The following RAB11FIP3 variants were observed in gnomAD, a reference collection of about 807,000 sequenced individuals.
RAB11FIP3 encodes the protein RAB11 family interacting protein 3, also known as rab11 family-interacting protein 3.
RAB11FIP3 carries 17 observed loss-of-function variants against 77.8 expected under a neutral mutation model. The ratio of observed to expected loss-of-function variants is 0.22; its 90% confidence interval spans 0.15 to 0.33. The LOEUF is 0.33. Among genes scored for constraint, RAB11FIP3 ranks in the 10% least tolerant of loss-of-function variants. RAB11FIP3 has a pLI of 1.00. For missense variants in RAB11FIP3, 1,005 were observed against 1,011.2 expected, an observed-to-expected ratio of 0.99 and a Z score of 0.08; for synonymous variants, 437 against 448.2, an observed-to-expected ratio of 0.98 and a Z score of 0.31.
At chr16:510,291 G>A (rs954890889) in intron 8 of RAB11FIP3, among the ~76,000 whole-genome samples, 6 of 152,246 alleles carry the variant, frequency 3.9e-5, no homozygotes, top group Admixed American at 3.3e-4. Flanking sequence ...GTTGTGTGTA[G>A]TGGCTGCAGG....
At chr16:501,915 T>A (rs1170941417) in intron 6 of RAB11FIP3, among the ~76,000 whole-genome samples, 4 of 101,880 alleles carry the variant, frequency 3.9e-5, no homozygotes, top group South Asian at 3.2e-4. Context: ...TCTGGGAGAG[T>A]GTCCCCCCAT....
chr16:472,260 T>A lies in RAB11FIP3; in HGVS notation c.903+871T>A, dbSNP rs565247479. Among the ~76,000 whole-genome samples, 1 of 152,326 alleles carries A rather than the reference T, an allele frequency of 6.6e-6. No homozygotes were observed. Among genetic ancestry groups the A allele is most frequent in the African/African-American group, 2.4e-5 (1 of 41,590 alleles). On this transcript the variant is annotated intron_variant, in intron 3 of 13. Transcript: ENST00000262305. This position sits in a 1 kb window ranked among gnomAD's most constrained non-coding sequence, Gnocchi z 4.1. ...AAGCTGCCCCAGGGATTAGTCACCC[T>A]CACCCTTGGGTGGGCAGCTTAACTT...
chr16:435,251 A>G (rs1024879562), intron 1 of RAB11FIP3, among the ~76,000 whole-genome samples: 1 of 151,748 alleles, frequency 6.6e-6, no homozygotes, highest in Non-Finnish European at 1.5e-5. Context: ...CCAGTTTAGG[A>G]TCTAACATAC....
intron 1 of RAB11FIP3, among the ~76,000 whole-genome samples, chr16:433,618 G>A (rs2055077116): frequency 6.6e-6 from 1 of 151,730 alleles, no homozygotes; most frequent in Admixed American, 6.6e-5. Flanking sequence ...GAAGGCCAAG[G>A]CGGGCGGATC....
rs1484762142 is a variant in RAB11FIP3 at position 471,172 on chromosome 16, G to A, written c.809-123G>A. On this transcript the variant is annotated intron_variant, in intron 2 of 13. Coordinates refer to ENST00000262305, the MANE Select transcript of RAB11FIP3 (RefSeq NM_014700.4). This position sits in a 1 kb window ranked among gnomAD's most constrained non-coding sequence, Gnocchi z 4.4. The stretch of plus-strand genomic sequence containing the variant: ...CCTTGCTTGTCTTGACCCCCCCCAG[G>A]GCCCCCAACTCCCACACATCTGTCC... 1.3e-6 allele frequency: 1 copy of A among 753,940 alleles called. No individual in the cohort carries two copies. Among genetic ancestry groups the A allele is most frequent in the Non-Finnish European group, 2.2e-6 (1 of 445,118 alleles). 46.7% of individuals were successfully genotyped at this position (753,940 alleles called of 1,614,324 possible).
chr16:474,629 G>A (rs2055867680), intron 3 of RAB11FIP3, among the ~76,000 whole-genome samples: 1 of 152,114 alleles, frequency 6.6e-6, no homozygotes, highest in Admixed American at 6.6e-5. Flanking sequence ...GCTCTCTCCC[G>A]TCCTCCCTCC....
chr16:450,746 A>T (rs2055393478), intron 1 of RAB11FIP3, among the ~76,000 whole-genome samples: 1 of 152,188 alleles, frequency 6.6e-6, no homozygotes, highest in Non-Finnish European at 1.5e-5. Context: ...CTATGAGCTG[A>T]GGAGTCCCAG....
intron 10 of RAB11FIP3, 147 bp from the exon 11 acceptor site, chr16:519,607 T>C: frequency 9.3e-7 from 1 of 1,076,678 alleles, no homozygotes; most frequent in South Asian, 1.6e-5. Context: ...GCAGGAAGGC[T>C]CAGACCCAGC....
At chr16:487,232 A>G (rs2056173720) in intron 4 of RAB11FIP3, among the ~76,000 whole-genome samples, 2 of 150,026 alleles carry the variant, frequency 1.3e-5, no homozygotes, top group South Asian at 4.2e-4. Flanking sequence ...CCAGGTTCAC[A>G]CCATTCTCCT....
chr16:452,346 CAAAA>C (rs1222038476), intron 1 of RAB11FIP3: 8 of 151,118 alleles, frequency 5.3e-5, no homozygotes, highest in African/African-American at 1.7e-4. Context: ...AAAAAGGAAA[CAAAA>C]AAAAGCCACA....
At chr16:462,261 A>T (rs562383930) in intron 2 of RAB11FIP3, among the ~76,000 whole-genome samples, 1 of 152,016 alleles carries the variant, frequency 6.6e-6, no homozygotes, top group Non-Finnish European at 1.5e-5. Context: ...CACTCTTGTC[A>T]CCCAGGCTGG....
intron 9 of RAB11FIP3, among the ~76,000 whole-genome samples, chr16:511,083 C>G (rs1419002919): frequency 1.5e-5 from 2 of 129,198 alleles, no homozygotes; most frequent in Non-Finnish European, 3.2e-5. Context: ...CCAGAACCTG[C>G]AGGCCAGGTA....
At chr16:481,304 AG>A (rs980155961) in intron 3 of RAB11FIP3, among the ~76,000 whole-genome samples, 1 of 150,506 alleles carries the variant, frequency 6.6e-6, no homozygotes, top group Non-Finnish European at 1.5e-5. Flanking sequence ...TGAGGTAAGG[AG>A]TTTGAGACCA....
chr16:491,831 GC>G (rs140814399), intron 5 of RAB11FIP3, among the ~76,000 whole-genome samples: 7,480 of 152,216 alleles, frequency 0.049, 255 homozygotes, highest in Non-Finnish European at 0.077. Context: ...TTGCGGTGAA[GC>G]CCCTGGGTGG....
At chr16:474,343 T>C (rs770005459) in intron 3 of RAB11FIP3, among the ~76,000 whole-genome samples, 11 of 152,330 alleles carry the variant, frequency 7.2e-5, no homozygotes, top group East Asian at 1.9e-4. Flanking sequence ...GTGCAGTTAG[T>C]CATGGCCGAG....
At chr16:498,423 C>G (rs2031296192) in intron 6 of RAB11FIP3, among the ~76,000 whole-genome samples, 1 of 152,242 alleles carries the variant, frequency 6.6e-6, no homozygotes, top group Admixed American at 6.5e-5. Context: ...GATCCTCCCA[C>G]CTTGGCCTCC....
At chr16:468,409 T>C (rs1489686190) in intron 2 of RAB11FIP3, among the ~76,000 whole-genome samples, 1 of 151,930 alleles carries the variant, frequency 6.6e-6, no homozygotes, top group Non-Finnish European at 1.5e-5. Context: ...TCATGATTTA[T>C]GTTTCGTTCG....
chr16:437,849 A>C (rs554480545), intron 1 of RAB11FIP3, among the ~76,000 whole-genome samples: 1 of 149,468 alleles, frequency 6.7e-6, no homozygotes, highest in African/African-American at 2.5e-5. Context: ...CTGGAGTGCA[A>C]TGGCACGATC....
At chr16:483,787 C>T (rs2056095047) in intron 4 of RAB11FIP3, among the ~76,000 whole-genome samples, 1 of 152,004 alleles carries the variant, frequency 6.6e-6, no homozygotes, top group Admixed American at 6.6e-5. Flanking sequence ...AGCCCCTTAT[C>T]TTAAGCCGAG....
Sources: gnomAD v4.1 joint callset for allele counts (sites outside exome capture counted in the v4.1 genomes callset) on GRCh38, gnomAD v4.1.1 for gene constraint, Gnocchi (gnomAD v3.1) non-coding constraint, MANE v1.5 for transcripts, NCBI Gene and HGNC (gene_info 2026-07-23, HGNC 2026-07-21) for gene names.